CDH12: variants seen among roughly 807,000 people sequenced by gnomAD.
CDH12 encodes cadherin-12.
Under a neutral mutation model 74.1 loss-of-function variants are expected in CDH12, and 41 were observed. The ratio of observed to expected loss-of-function variants is 0.55; its 90% CI spans 0.43 to 0.72. CDH12 has a LOEUF of 0.72. CDH12 is among the 30% of genes least tolerant of loss of function. The pLI is 0.00. For synonymous variants in CDH12, 399 were observed against 355.0 expected (o/e 1.12, Z -1.39); for missense variants, 945 against 977.2 (o/e 0.97, Z 0.44).
At chr5:22,211,519 C>T in intron 4 of CDH12, among the ~76,000 whole-genome samples, 1 of 151,782 alleles carries the variant, frequency 6.6e-6, no homozygotes, top group South Asian at 2.1e-4. Flanking sequence ...TGGAGTAAAA[C>T]AATCAGGCTA....
At chr5:22,171,836 G>A (rs1182156445) in intron 4 of CDH12, among the ~76,000 whole-genome samples, 2 of 151,858 alleles carry the variant, frequency 1.3e-5, no homozygotes, top group Non-Finnish European at 2.9e-5. Flanking sequence ...TATATCACCT[G>A]GAAAACTTGC....
chr5:22,456,537 T>G (rs1271413477), intron 2 of CDH12, among the ~76,000 whole-genome samples: 1 of 152,074 alleles, frequency 6.6e-6, no homozygotes, highest in African/African-American at 2.4e-5. Context: ...ATCTATATCT[T>G]AAACAGCACA....
chr5:22,362,671 G>T (rs1479279452), intron 3 of CDH12, among the ~76,000 whole-genome samples: 5 of 151,842 alleles, frequency 3.3e-5, no homozygotes, highest in Admixed American at 1.3e-4. Context: ...GCAAAGACTT[G>T]GAACCAACCC....
intron 5 of CDH12, among the ~76,000 whole-genome samples, chr5:22,070,595 A>G (rs1478842704): frequency 6.6e-6 from 1 of 152,166 alleles, no homozygotes; most frequent in African/African-American, 2.4e-5. Context: ...CAGGCTCAGA[A>G]TGGCACTCTT....
chr5:22,265,245 A>C (rs1753663943), intron 3 of CDH12, among the ~76,000 whole-genome samples: 2 of 152,204 alleles, frequency 1.3e-5, no homozygotes. Flanking sequence ...TTTGTGGAAA[A>C]AAATTGGAAA....
intron 3 of CDH12, among the ~76,000 whole-genome samples, chr5:22,241,431 G>A (rs1447305696): frequency 6.6e-6 from 1 of 151,730 alleles, no homozygotes; most frequent in African/African-American, 2.4e-5. Flanking sequence ...ATGAAGATAT[G>A]GTGTCAATCA....
At chr5:22,538,159 G>T (rs1253346676) in intron 1 of CDH12, among the ~76,000 whole-genome samples, 3 of 152,092 alleles carry the variant, frequency 2.0e-5, no homozygotes, top group South Asian at 2.1e-4. Flanking sequence ...CATACCATTT[G>T]TATCTGTTTC....
At chr5:22,473,742 T>A (rs1446926368) in intron 2 of CDH12, among the ~76,000 whole-genome samples, 1 of 152,122 alleles carries the variant, frequency 6.6e-6, no homozygotes, top group Non-Finnish European at 1.5e-5. Flanking sequence ...TATGTGGATT[T>A]TATTTTTGTG....
intron 1 of CDH12, among the ~76,000 whole-genome samples, chr5:22,742,672 C>T (rs1473215548): frequency 6.6e-6 from 1 of 151,154 alleles, no homozygotes; most frequent in African/African-American, 2.4e-5. Flanking sequence ...AATATCAATA[C>T]ATATATTTAG....
At chr5:22,165,517 C>CACACACATACACAT (rs79610505) in intron 4 of CDH12, among the ~76,000 whole-genome samples, 1 of 150,828 alleles carries the variant, frequency 6.6e-6, no homozygotes, top group African/African-American at 2.4e-5. Flanking sequence ...CACACATACA[C>CACACACATACACAT]ACACACACAC....
At chr5:22,333,431 A>G (rs1469602825) in intron 3 of CDH12, among the ~76,000 whole-genome samples, 2 of 152,118 alleles carry the variant, frequency 1.3e-5, no homozygotes, top group Non-Finnish European at 2.9e-5. Flanking sequence ...ACATGTAACT[A>G]TGTAACAAAC....
intron 1 of CDH12, among the ~76,000 whole-genome samples, chr5:22,715,269 GCTGT>G (rs1743513631): frequency 6.6e-6 from 1 of 152,144 alleles, no homozygotes; most frequent in South Asian, 2.1e-4. Flanking sequence ...TATTACCTCA[GCTGT>G]CTAAGCATAT....
chr5:22,733,706 A>G (rs1580938938), intron 1 of CDH12, among the ~76,000 whole-genome samples: 1 of 152,092 alleles, frequency 6.6e-6, no homozygotes, highest in East Asian at 1.9e-4. Flanking sequence ...ATGAAATAAA[A>G]ATATCGTTAT....
intron 1 of CDH12, among the ~76,000 whole-genome samples, chr5:22,607,948 C>A (rs566570614): frequency 6.6e-6 from 1 of 152,322 alleles, no homozygotes; most frequent in Admixed American, 6.5e-5. Context: ...GAAGTCCAGG[C>A]AGAAATTTTC....
At chr5:22,637,749 C>A (rs1738917377) in intron 1 of CDH12, among the ~76,000 whole-genome samples, 1 of 152,184 alleles carries the variant, frequency 6.6e-6, no homozygotes, top group South Asian at 2.1e-4. Flanking sequence ...TCTCAATCAT[C>A]AAAGCATATT....
At chr5:22,408,594 A>G (rs1048405685) in intron 2 of CDH12, among the ~76,000 whole-genome samples, 4 of 149,876 alleles carry the variant, frequency 2.7e-5, no homozygotes, top group Non-Finnish European at 5.9e-5. Flanking sequence ...TATATACTAT[A>G]TATACATTAT....
In CDH12 at chr5:22,126,808, C is replaced by A. The variant is rs1427499973; in HGVS notation, c.-186-47946G>T. 2.6e-5 allele frequency among the ~76,000 whole-genome samples: 4 copies of A among 152,138 alleles called. 1 individual carries two copies. Among genetic ancestry groups the A allele is most frequent in the Admixed American group, 1.3e-4 (2 of 15,272 alleles). The stretch of plus-strand genomic sequence containing the variant: ...AAAAGACTGGTTACAGGCCTTGCAA[C>A]CTCCAAGCGGCTAATTACCAAGATG... On this transcript the variant is annotated intron_variant, in intron 4 of 14. Transcript: ENST00000382254.
chr5:22,498,901 C>CTTTTTTTTTTTTTTTTTTTTT (rs34550762), intron 2 of CDH12, among the ~76,000 whole-genome samples: 9 of 73,414 alleles, frequency 1.2e-4, no homozygotes, highest in Non-Finnish European at 1.8e-4. Flanking sequence ...TTTTCTGTTT[C>CTTTTTTTTTTTTTTTTTTTTT]TTTTTTTTTT....
chr5:22,621,215 C>T (rs1182737155), intron 1 of CDH12, among the ~76,000 whole-genome samples: 1 of 152,094 alleles, frequency 6.6e-6, no homozygotes, highest in Non-Finnish European at 1.5e-5. Context: ...AGCACCTTTG[C>T]CCTTAGACTG....
Sources: gnomAD v4.1 joint callset for allele counts (sites outside exome capture counted in the v4.1 genomes callset) on GRCh38, gnomAD v4.1.1 for gene constraint, MANE v1.5 for transcripts, NCBI Gene and HGNC (gene_info 2026-07-23, HGNC 2026-07-21) for gene names.